MDFIC: variants seen among roughly 807,000 people sequenced by gnomAD.
MDFIC encodes myoD family inhibitor domain-containing protein.
MDFIC carries 17 observed loss-of-function variants against 23.2 expected under a neutral mutation model. The observed-to-expected ratio is 0.73, with a 90% CI of 0.50 to 1.10. The LOEUF (loss-of-function observed/expected upper bound fraction) is 1.10. Among genes scored for constraint, MDFIC ranks in the 50% least tolerant of loss-of-function variants. MDFIC has a pLI of 0.00. For synonymous variants in MDFIC, 120 were observed against 115.2 expected (o/e 1.04, Z -0.27); for missense variants, 356 against 316.6 (o/e 1.12, Z -0.95).
intron 3 of MDFIC, among the ~76,000 whole-genome samples, chr7:114,969,533 C>T (rs1050958380): frequency 6.6e-6 from 1 of 152,134 alleles, no homozygotes; most frequent in Non-Finnish European, 1.5e-5. Context: ...TTGTCAAACT[C>T]TGTGTATAAA....
At chr7:114,945,323 A>G (rs1440140423) in intron 3 of MDFIC, among the ~76,000 whole-genome samples, 2 of 152,222 alleles carry the variant, frequency 1.3e-5, no homozygotes, top group Non-Finnish European at 2.9e-5. Flanking sequence ...TTCTAATTAA[A>G]GGGTGTATTC....
intron 4 of MDFIC, among the ~76,000 whole-genome samples, chr7:114,991,639 T>A (rs1439768572): frequency 6.6e-6 from 1 of 152,236 alleles, no homozygotes; most frequent in African/African-American, 2.4e-5. Context: ...TTGTCAGGTT[T>A]GTCAAAGATC....
chr7:115,014,547 G>T, intron 4 of MDFIC: 1 of 1,283,054 alleles, frequency 7.8e-7, no homozygotes, highest in Non-Finnish European at 1.0e-6. Flanking sequence ...AGAGGGTGGG[G>T]TTGTTGTGTC....
rs1360905177 is a variant in MDFIC at position 114,979,720 on chromosome 7, T to C, written c.432T>C (p.Asp144=). The part of the protein sequence containing the change: ...KIQSSLSVNS[D]ISKKSKVNAV... The stretch of plus-strand genomic sequence containing the variant: ...AGTCCAGCTTGTCTGTAAACAGCGA[T>C]ATCAGTAAGAAGAGCAAAGTAAATG... The change falls in exon 4 of 5, where the codon GAT becomes GAC. Residue 144 remains aspartate, a synonymous_variant. Coordinates refer to ENST00000393486, the MANE Select transcript of MDFIC (RefSeq NM_001166345.3). 3 of 1,614,158 alleles carry C rather than the reference T, an allele frequency of 1.9e-6. No homozygotes were observed. Among genetic ancestry groups the C allele is most frequent in the Non-Finnish European group, 2.5e-6 (3 of 1,180,012 alleles).
At chr7:114,946,144 A>T (rs1218238011) in intron 3 of MDFIC, among the ~76,000 whole-genome samples, 1 of 152,182 alleles carries the variant, frequency 6.6e-6, no homozygotes. Context: ...TCATGTTTTA[A>T]TTAGACAAGA....
At chr7:114,952,990 TTTC>T (rs1792808313) in intron 3 of MDFIC, among the ~76,000 whole-genome samples, 1 of 152,212 alleles carries the variant, frequency 6.6e-6, no homozygotes, top group Non-Finnish European at 1.5e-5. Flanking sequence ...TAATTACCAT[TTTC>T]TTCTTATTCT....
chr7:114,939,202 A>G (rs1792492004), intron 2 of MDFIC, among the ~76,000 whole-genome samples: 1 of 152,246 alleles, frequency 6.6e-6, no homozygotes, highest in Non-Finnish European at 1.5e-5. Flanking sequence ...AGAACAGTCA[A>G]GTGGTCACAG....
chr7:115,005,276 C>CAT (rs1791547687), intron 4 of MDFIC, among the ~76,000 whole-genome samples: 1 of 152,216 alleles, frequency 6.6e-6, no homozygotes, highest in Non-Finnish European at 1.5e-5. Context: ...AATCCTTATA[C>CAT]ATACACTAAT....
intron 3 of MDFIC, among the ~76,000 whole-genome samples, chr7:114,967,658 G>A (rs2115897120): frequency 6.6e-6 from 1 of 152,056 alleles, no homozygotes; most frequent in East Asian, 1.9e-4. Context: ...TCCAAGAATG[G>A]TGCCTGGCAC....
intron 2 of MDFIC, among the ~76,000 whole-genome samples, chr7:114,936,956 C>T (rs1291237453): frequency 6.6e-6 from 1 of 151,814 alleles, no homozygotes; most frequent in East Asian, 1.9e-4. Flanking sequence ...AGTTGAGTGG[C>T]TATTATATGG....
At chr7:114,965,277 GT>G (rs1793074589) in intron 3 of MDFIC, among the ~76,000 whole-genome samples, 2 of 152,212 alleles carry the variant, frequency 1.3e-5, no homozygotes, top group African/African-American at 4.8e-5. Context: ...TGGCATAGGG[GT>G]TTGGAGCAAT....
Position 114,986,304 on chromosome 7 carries a change from T to A in MDFIC, c.493+6523T>A, listed in dbSNP as rs368805645. On this transcript the variant is annotated intron_variant, in intron 4 of 4. Transcript: ENST00000393486. ...GGTGATTTTCTCTTGCATTTATAAC[T>A]GAGGAGTTTTTCAGAATATACCAGA... is the stretch of plus-strand genomic sequence containing the variant. Among the ~76,000 whole-genome samples, 183 of 152,202 alleles carry A rather than the reference T, an allele frequency of 1.2e-3. 1 individual carries two copies. Among genetic ancestry groups the A allele is most frequent in the African/African-American group, 4.2e-3 (175 of 41,528 alleles).
chr7:114,981,704 A>G (rs1425867027), intron 4 of MDFIC, among the ~76,000 whole-genome samples: 1 of 152,232 alleles, frequency 6.6e-6, no homozygotes, highest in African/African-American at 2.4e-5. Flanking sequence ...TCATTGTAAG[A>G]CTATAGAATT....
In MDFIC at chr7:115,016,699, T is replaced by C. The variant is rs1791802906; in HGVS notation, c.*764T>C. 1 of 150,904 alleles carries C rather than the reference T, an allele frequency of 6.6e-6. No homozygotes were observed. Among genetic ancestry groups the C allele is most frequent in the African/African-American group, 2.5e-5 (1 of 40,226 alleles). The allele number at this position is 150,904 out of a possible 1,614,324, so 9.3% of individuals were successfully genotyped here. A position where few individuals can be genotyped will look rare whatever the true frequency, so the allele number is the denominator to read the frequency against. On this transcript the variant is annotated 3_prime_UTR_variant, in exon 5 of 5. Coordinates refer to ENST00000393486, the MANE Select transcript of MDFIC (RefSeq NM_001166345.3). Reference sequence around the variant, plus strand: ...AAATAAATAAATAAACAAACCAGTCTTTATTTTAAAAGAAACTTTAGGAAA... The same window carrying C: ...AAATAAATAAATAAACAAACCAGTCCTTATTTTAAAAGAAACTTTAGGAAA...
chr7:114,985,613 T>C (rs1311684846), intron 4 of MDFIC, among the ~76,000 whole-genome samples: 1 of 151,980 alleles, frequency 6.6e-6, no homozygotes, highest in Non-Finnish European at 1.5e-5. Context: ...TACTGGTTAT[T>C]TTTTTCTGAT....
intron 4 of MDFIC, among the ~76,000 whole-genome samples, chr7:115,014,706 A>T (rs1435349524): frequency 6.6e-6 from 1 of 152,228 alleles, no homozygotes; most frequent in Non-Finnish European, 1.5e-5. Flanking sequence ...CAAATGTTTT[A>T]TAACATTGGT....
intron 4 of MDFIC, among the ~76,000 whole-genome samples, chr7:114,985,505 T>G (rs1395115678): frequency 6.6e-6 from 1 of 152,050 alleles, no homozygotes; most frequent in Non-Finnish European, 1.5e-5. Flanking sequence ...CTCTTCTTTT[T>G]GTTTGTTTGA....
At chr7:114,999,502 C>A (rs1243003990) in intron 4 of MDFIC, among the ~76,000 whole-genome samples, 1 of 151,884 alleles carries the variant, frequency 6.6e-6, no homozygotes, top group East Asian at 1.9e-4. Flanking sequence ...ATACTAATTT[C>A]TCTTAGAAAT....
At chr7:115,015,630 C>G in intron 4 of MDFIC, 58 bp from the exon 5 acceptor site, 1 of 1,572,624 alleles carries the variant, frequency 6.4e-7, no homozygotes, top group Non-Finnish European at 8.7e-7. Flanking sequence ...ATTGATAACA[C>G]GTATTTTGTG....
Sources: allele counts gnomAD v4.1 joint callset (sites outside exome capture counted in the v4.1 genomes callset), GRCh38; gene constraint gnomAD v4.1.1; transcripts MANE v1.5; gene names NCBI Gene and HGNC (gene_info 2026-07-23, HGNC 2026-07-21).